LYN: variants seen among roughly 807,000 people sequenced by gnomAD.
LYN encodes tyrosine-protein kinase Lyn.
LYN carries 12 observed loss-of-function variants against 65.0 expected under a neutral mutation model. That is an observed-to-expected ratio of 0.18 (90% CI 0.12 to 0.30). The LOEUF is 0.30. LYN is among the 10% of genes least tolerant of loss of function. The pLI is 1.00. For synonymous variants in LYN, 222 were observed against 221.2 expected (o/e 1.00, Z -0.03); for missense variants, 380 against 623.2 (o/e 0.61, Z 4.16).
intron 1 of LYN, chr8:55,940,209 ACT>A (rs1806567978): frequency 6.6e-6 from 1 of 151,924 alleles, no homozygotes; most frequent in South Asian, 2.1e-4. Context: ...TCTAGACTTA[ACT>A]CTAAGCCCTA....
chr8:55,916,480 G>A (rs915044081), intron 1 of LYN, among the ~76,000 whole-genome samples: 2 of 152,170 alleles, frequency 1.3e-5, no homozygotes, highest in African/African-American at 4.8e-5. Context: ...GGGTGCGTGC[G>A]AATATGGTTC....
chr8:55,916,619 C>T (rs1232795929), intron 1 of LYN, among the ~76,000 whole-genome samples: 1 of 152,136 alleles, frequency 6.6e-6, no homozygotes, highest in South Asian at 2.1e-4. Flanking sequence ...AAATATAAAT[C>T]CCTCACCATG....
rs184484018 is a variant in LYN at position 55,955,312 on chromosome 8, A to G, written c.790+1328A>G. ...CTGCACTGTAAGTCTTTCTGCACAT[A>G]TTTGCAGAATTCAGGTAAACTGTAA... On this transcript the variant is annotated intron_variant, in intron 8 of 12. Transcript: ENST00000519728. 3.3e-5 allele frequency: 5 copies of G among 152,272 alleles called. No individual in the cohort carries two copies. In the East Asian group the frequency reaches 9.6e-4, roughly 29 times the overall value. The allele number at this position is 152,272 out of a possible 1,614,324, so 9.4% of individuals were successfully genotyped here.
intron 1 of LYN, among the ~76,000 whole-genome samples, chr8:55,936,748 C>G (rs529537784): frequency 1.3e-5 from 2 of 152,202 alleles, no homozygotes; most frequent in African/African-American, 4.8e-5. Context: ...ATTGTATATT[C>G]CAAATAGCCG....
intron 8 of LYN, among the ~76,000 whole-genome samples, chr8:55,957,339 C>T (rs112164934): frequency 6.6e-6 from 1 of 152,106 alleles, no homozygotes. Context: ...CAATTTTAAT[C>T]ATAAAACAGA....
At chr8:55,903,446 G>A (rs1468416122) in intron 1 of LYN, among the ~76,000 whole-genome samples, 2 of 152,214 alleles carry the variant, frequency 1.3e-5, no homozygotes, top group Non-Finnish European at 2.9e-5. Flanking sequence ...AGTAGACAAA[G>A]ATGAAATAAA....
chr8:55,973,751 A>G (rs1182479548), intron 10 of LYN, among the ~76,000 whole-genome samples: 2 of 152,250 alleles, frequency 1.3e-5, no homozygotes, highest in Non-Finnish European at 2.9e-5. Context: ...ATTACTAAAA[A>G]TGGAACAATT....
chr8:56,009,611 T>G (rs1808760024), intron 12 of LYN, among the ~76,000 whole-genome samples: 1 of 152,182 alleles, frequency 6.6e-6, no homozygotes, highest in South Asian at 2.1e-4. Context: ...TCTCCTCTTA[T>G]AAGGATACTA....
chr8:56,009,821 G>T, intron 12 of LYN, 87 bp from the exon 13 acceptor site: 3 of 1,023,818 alleles, frequency 2.9e-6, no homozygotes, highest in Non-Finnish European at 4.4e-6. Context: ...AGGATGTGAG[G>T]AGCAAAAAGA....
At chr8:55,970,936 T>A (rs1460856126) in intron 10 of LYN, among the ~76,000 whole-genome samples, 1 of 152,238 alleles carries the variant, frequency 6.6e-6, no homozygotes, top group Non-Finnish European at 1.5e-5. Context: ...CAGACACAGA[T>A]GTTGTTGTGT....
At chr8:55,939,369 A>T (rs1316132958) in intron 1 of LYN, among the ~76,000 whole-genome samples, 2 of 152,236 alleles carry the variant, frequency 1.3e-5, no homozygotes, top group Admixed American at 1.3e-4. Flanking sequence ...TTAAGCATAA[A>T]TAAATGGCCA....
At chr8:55,882,749 C>T (rs928638973) in intron 1 of LYN, among the ~76,000 whole-genome samples, 2 of 152,162 alleles carry the variant, frequency 1.3e-5, no homozygotes, top group African/African-American at 4.8e-5. Flanking sequence ...TCATTTGAAC[C>T]TCTTGTGGCT....
chr8:55,984,355 A>G (rs1027519892), intron 10 of LYN, among the ~76,000 whole-genome samples: 1 of 152,118 alleles, frequency 6.6e-6, no homozygotes, highest in South Asian at 2.1e-4. Context: ...CTGCCCAAAG[A>G]TGTGTGTTGG....
rs1430143728 is a variant in LYN, at chr8:55,880,032, C to T, written c.-77C>T. On this transcript the variant is annotated 5_prime_UTR_variant, in exon 1 of 13. Transcript: ENST00000519728. ...CCATACGCAGGTCCTGCTGGGCCGC[C>T]CCGTCGCGCCCCCCACTCTGAACTC... 3 of 307,480 alleles carry T rather than the reference C, an allele frequency of 9.8e-6. No homozygotes were observed. Among genetic ancestry groups the T allele is most frequent in the Non-Finnish European group, 2.0e-5 (3 of 151,828 alleles). The allele number at this position is 307,480 out of a possible 1,614,324, so 19.0% of individuals were successfully genotyped here.
chr8:55,919,928 G>A (rs1006631386), intron 1 of LYN, among the ~76,000 whole-genome samples: 6 of 152,040 alleles, frequency 3.9e-5, no homozygotes, highest in African/African-American at 1.5e-4. Context: ...GGGGGTGGGA[G>A]CTTTGTCACG....
Position 55,950,523 on chromosome 8 carries a change from T to C in LYN, c.349T>C (p.Tyr117His), listed in dbSNP as rs764645431. 8.7e-6 allele frequency: 14 copies of C among 1,613,822 alleles called. No individual in the cohort carries two copies. The change falls in exon 5 of 13, where the codon TAT becomes CAT. Residue 117 changes from tyrosine (Y) to histidine (H), a missense_variant. Around this residue, in one of 2 missense-constraint regions of LYN, gnomAD observed 157 missense variants for 193.2 expected, o/e 0.81. Coordinates refer to ENST00000519728, the MANE Select transcript of LYN (RefSeq NM_002350.4). Reference protein sequence around the residue: ...TKKEGFIPSNYVAKLNTLETE... With the variant: ...TKKEGFIPSNHVAKLNTLETE... ...AAAAGAAGGCTTCATCCCCAGCAAC[T>C]ATGTGGCCAAACTCAACACCTTAGA...
chr8:55,925,134 T>C (rs1239726786), intron 1 of LYN, among the ~76,000 whole-genome samples: 1 of 150,420 alleles, frequency 6.6e-6, no homozygotes, highest in Non-Finnish European at 1.5e-5. Context: ...CTTTTTTTGT[T>C]TGTTTTGAGA....
At chr8:55,983,021 A>G (rs1165220942) in intron 10 of LYN, among the ~76,000 whole-genome samples, 5 of 152,040 alleles carry the variant, frequency 3.3e-5, no homozygotes, top group Non-Finnish European at 7.4e-5. Context: ...CGCACCTGGT[A>G]AAATGCCAGC....
rs142233085 is a variant in LYN at position 55,967,290 on chromosome 8, A to G, written c.973+393A>G. On this transcript the variant is annotated intron_variant, in intron 9 of 12. Transcript: ENST00000519728. ...ACAGATTTAGTACGGATTGTTCAGT[A>G]CCAAATTCCTCTTTCATTTTTTTTT... 3.0e-3 allele frequency among the ~76,000 whole-genome samples: 451 copies of G among 149,536 alleles called. 2 individuals are homozygous for G. Among genetic ancestry groups the G allele is most frequent in the African/African-American group, 0.01 (423 of 40,566 alleles).
Sources: gnomAD v4.1 joint callset for allele counts (sites outside exome capture counted in the v4.1 genomes callset) on GRCh38, gnomAD v4.1.1 for gene constraint, gnomAD v4.1.1 regional missense constraint, MANE v1.5 for transcripts, NCBI Gene and HGNC (gene_info 2026-07-23, HGNC 2026-07-21) for gene names.